The following PTPRD variants were observed in gnomAD, a reference collection of about 807,000 sequenced individuals.
PTPRD encodes the protein receptor-type tyrosine-protein phosphatase delta.
PTPRD carries 34 observed loss-of-function variants against 214.5 expected under a neutral mutation model. That is an observed-to-expected ratio of 0.16 (90% CI 0.12 to 0.21). The LOEUF (loss-of-function observed/expected upper bound fraction) is 0.21, where lower values mean the gene tolerates loss of function less well. PTPRD is among the 10% of genes least tolerant of loss of function. PTPRD has a pLI of 1.00. For synonymous variants in PTPRD, 1,128 were observed against 845.7 expected (o/e 1.33, Z -5.79); for missense variants, 2,545 against 2,398.7 (o/e 1.06, Z -1.27).
intron 8 of PTPRD, among the ~76,000 whole-genome samples, chr9:9,420,812 C>T (rs542146963): frequency 2.0e-5 from 3 of 151,966 alleles, no homozygotes; most frequent in South Asian, 2.1e-4. Flanking sequence ...ATCAAGTCAC[C>T]AAATAGCAGT....
chr9:9,183,774 C>T (rs1158674358), intron 9 of PTPRD, among the ~76,000 whole-genome samples: 2 of 151,964 alleles, frequency 1.3e-5, no homozygotes, highest in East Asian at 3.9e-4. Flanking sequence ...ATAAATAATG[C>T]CCCTAAGTTG....
In PTPRD at chr9:8,534,627, G is replaced by GTA. The variant is rs751737839; in HGVS notation, c.353-5850_353-5849dup. On this transcript the variant is annotated intron_variant, in intron 14 of 45. Transcript: ENST00000381196. ...GTATTTTTAAAATGACATTCCTAGA[G>GTA]TATATATATATACACACACACACAC... Among the ~76,000 whole-genome samples, 671 of 150,692 alleles carry GTA rather than the reference G, an allele frequency of 4.5e-3. 5 individuals carry two copies. Among genetic ancestry groups the GTA allele is most frequent in the African/African-American group, 0.013 (525 of 41,184 alleles).
chr9:10,321,867 G>A (rs1409609533), intron 3 of PTPRD, among the ~76,000 whole-genome samples: 3 of 151,956 alleles, frequency 2.0e-5, no homozygotes, highest in African/African-American at 7.2e-5. Flanking sequence ...TTTTTCGGAA[G>A]AGGAATTCGC....
intron 11 of PTPRD, among the ~76,000 whole-genome samples, chr9:8,966,342 T>C (rs1432660236): frequency 6.6e-6 from 1 of 151,836 alleles, no homozygotes; most frequent in Admixed American, 6.6e-5. Flanking sequence ...TTACCTGACT[T>C]CAAACTATAC....
Position 9,952,837 on chromosome 9 carries a change from A to G in PTPRD, c.-471-14227T>C, listed in dbSNP as rs1169128925. 2.0e-5 allele frequency among the ~76,000 whole-genome samples: 3 copies of G among 152,234 alleles called. No homozygotes were observed. The East Asian group carries it at 5.8e-4, about 29-fold the overall frequency. On this transcript the variant is annotated intron_variant, in intron 4 of 45. Transcript: ENST00000381196. ...CAGGAGATAAATTTATTCCAAATCC[A>G]CTGCACAGTGTTTCTGATCTGTTCA...
chr9:9,352,762 T>C (rs768766928), intron 9 of PTPRD, among the ~76,000 whole-genome samples: 4 of 151,990 alleles, frequency 2.6e-5, no homozygotes, highest in Non-Finnish European at 5.9e-5. Flanking sequence ...TCTTGACTTC[T>C]CTCAGAGTTG....
chr9:9,600,556 G>C (rs1439898936), intron 7 of PTPRD, among the ~76,000 whole-genome samples: 4 of 152,026 alleles, frequency 2.6e-5, no homozygotes, highest in Non-Finnish European at 5.9e-5. Context: ...GTGTTCAAGA[G>C]GAAGGAGGCA....
chr9:9,885,701 C>G (rs562567832), intron 5 of PTPRD, among the ~76,000 whole-genome samples: 1 of 151,930 alleles, frequency 6.6e-6, no homozygotes, highest in Admixed American at 6.6e-5. Context: ...TGTGGGCAAC[C>G]TCCAGAAAAG....
rs73641892 is a variant in PTPRD, at chr9:10,238,629, C to T, written c.-545+102334G>A. Among the ~76,000 whole-genome samples, 394 of 151,826 alleles carry T rather than the reference C, an allele frequency of 2.6e-3. 5 individuals are homozygous for T. The highest frequency in any genetic ancestry group is 9.1e-3 in the African/African-American group (376 of 41,446). On this transcript the variant is annotated intron_variant, in intron 3 of 45. Coordinates refer to ENST00000381196, the MANE Select transcript of PTPRD (RefSeq NM_002839.4). ...ATGTATACAATTTCATCAGGATTCCCAAAGAGGCTAATTAACCTATATTCA... is the reference window on the plus strand; with the variant it reads ...ATGTATACAATTTCATCAGGATTCCTAAAGAGGCTAATTAACCTATATTCA...
chr9:8,928,566 C>G (rs1437821902), intron 11 of PTPRD, among the ~76,000 whole-genome samples: 2 of 149,520 alleles, frequency 1.3e-5, no homozygotes, highest in Non-Finnish European at 3.0e-5. Flanking sequence ...GTCTATATCT[C>G]TGTTTTGGTA....
chr9:10,159,847 C>G (rs1333838141), intron 3 of PTPRD, among the ~76,000 whole-genome samples: 1 of 151,874 alleles, frequency 6.6e-6, no homozygotes, highest in Non-Finnish European at 1.5e-5. Context: ...GGAAAGTAAG[C>G]TACCAGATAT....
chr9:8,888,365 A>T (rs1174720028), intron 11 of PTPRD, among the ~76,000 whole-genome samples: 2 of 152,332 alleles, frequency 1.3e-5, no homozygotes. Context: ...GATACTTGAA[A>T]GCATACCAGA....
chr9:10,557,625 T>C (rs532244542), intron 2 of PTPRD, among the ~76,000 whole-genome samples: 1 of 152,150 alleles, frequency 6.6e-6, no homozygotes, highest in Non-Finnish European at 1.5e-5. Flanking sequence ...TATTTCTGTG[T>C]TCCTGGTTCA....
At chr9:9,718,299 A>G (rs1271707301) in intron 7 of PTPRD, among the ~76,000 whole-genome samples, 2 of 152,220 alleles carry the variant, frequency 1.3e-5, no homozygotes, top group Admixed American at 6.5e-5. Context: ...GTTCATCTCT[A>G]TATGAAATTG....
chr9:8,772,756 T>A (rs73425031), intron 11 of PTPRD, among the ~76,000 whole-genome samples: 7,232 of 152,252 alleles, frequency 0.048, 426 homozygotes, highest in African/African-American at 0.14. Context: ...TTTTTTCTCA[T>A]GAGTATAACT....
intron 6 of PTPRD, among the ~76,000 whole-genome samples, chr9:9,741,341 T>A (rs1226418337): frequency 1.6e-5 from 2 of 128,244 alleles, no homozygotes; most frequent in African/African-American, 7.8e-5. Context: ...AGGCAATCAA[T>A]GAAATTTCAA....
At chr9:10,222,583 A>G (rs928288328) in intron 3 of PTPRD, among the ~76,000 whole-genome samples, 3 of 152,098 alleles carry the variant, frequency 2.0e-5, no homozygotes, top group Admixed American at 1.3e-4. Flanking sequence ...ACTATTACGT[A>G]TCATCCTTAC....
At chr9:8,479,106 T>C (rs1308729943) in intron 30 of PTPRD, among the ~76,000 whole-genome samples, 2 of 152,208 alleles carry the variant, frequency 1.3e-5, no homozygotes, top group Non-Finnish European at 2.9e-5. Flanking sequence ...CTTTCCTAAT[T>C]TCTAAACTTG....
At chr9:10,406,161 T>C (rs1465741935) in intron 2 of PTPRD, among the ~76,000 whole-genome samples, 1 of 151,330 alleles carries the variant, frequency 6.6e-6, no homozygotes, top group Non-Finnish European at 1.5e-5. Flanking sequence ...TTCCTCTAGC[T>C]GAGAAATATT....
Sources: allele counts gnomAD v4.1 joint callset (sites outside exome capture counted in the v4.1 genomes callset), GRCh38; gene constraint gnomAD v4.1.1; transcripts MANE v1.5; gene names NCBI Gene and HGNC (gene_info 2026-07-23, HGNC 2026-07-21).